UNC5D: variants seen among roughly 807,000 people sequenced by gnomAD.
UNC5D encodes the protein unc-5 netrin receptor D.
Under a neutral mutation model 105.4 loss-of-function variants are expected in UNC5D, and 39 were observed. That is an observed-to-expected ratio of 0.37 (90% CI 0.29 to 0.48). The LOEUF (loss-of-function observed/expected upper bound fraction) is 0.48, where lower values mean the gene tolerates loss of function less well. UNC5D is among the 20% of genes least tolerant of loss of function. The pLI is 0.98. For missense variants in UNC5D, 991 were observed against 1,202.4 expected (o/e 0.82, Z 2.60); for synonymous variants, 452 against 450.4 (o/e 1.00, Z -0.04).
At chr8:35,599,616 T>C (rs1235818332) in intron 4 of UNC5D, among the ~76,000 whole-genome samples, 2 of 152,164 alleles carry the variant, frequency 1.3e-5, no homozygotes, top group Admixed American at 1.3e-4. Context: ...ATCCCAGGGT[T>C]AGCCCTACAC....
intron 11 of UNC5D, among the ~76,000 whole-genome samples, chr8:35,746,938 T>G (rs1430013683): frequency 6.6e-6 from 1 of 152,148 alleles, no homozygotes; most frequent in Non-Finnish European, 1.5e-5. Flanking sequence ...CCCCAAACCT[T>G]GAGTATGTTA....
intron 1 of UNC5D, among the ~76,000 whole-genome samples, chr8:35,476,661 C>T (rs915516564): frequency 8.5e-5 from 13 of 152,096 alleles, no homozygotes; most frequent in African/African-American, 3.1e-4. Context: ...TCCTTTATCT[C>T]GTACCCTGCC....
intron 1 of UNC5D, among the ~76,000 whole-genome samples, chr8:35,386,250 C>T (rs528678668): frequency 2.6e-5 from 4 of 152,088 alleles, no homozygotes; most frequent in Non-Finnish European, 4.4e-5. Context: ...GAGCATCATT[C>T]GCTCCAATTT....
intron 1 of UNC5D, among the ~76,000 whole-genome samples, chr8:35,450,404 T>G: frequency 6.6e-6 from 1 of 152,268 alleles, no homozygotes; most frequent in East Asian, 1.9e-4. Context: ...CCCAGAACCT[T>G]TACTTTTTAT....
At chr8:35,442,743 C>T (rs1807490275) in intron 1 of UNC5D, among the ~76,000 whole-genome samples, 1 of 151,954 alleles carries the variant, frequency 6.6e-6, no homozygotes, top group African/African-American at 2.4e-5. Context: ...AGAGATAAGA[C>T]AGCTGAAGTG....
intron 7 of UNC5D, among the ~76,000 whole-genome samples, chr8:35,698,848 T>G (rs1826978513): frequency 6.6e-6 from 1 of 152,174 alleles, no homozygotes; most frequent in South Asian, 2.1e-4. Context: ...ATGATTATCT[T>G]AAGCTTGAAT....
At position 35,683,684 on chromosome 8, in the gene UNC5D, C is replaced by T. The variant is rs764908615; in HGVS notation, c.708C>T (p.Ile236=). ...ATTACACCTGCATGGCAGCCAACATCGTGGCTAAGAGGAGAAGCCTGTCGG... is the reference window on the plus strand; with the variant it reads ...ATTACACCTGCATGGCAGCCAACATTGTGGCTAAGAGGAGAAGCCTGTCGG... The part of the protein sequence containing the change: ...SGNYTCMAAN[I]VAKRRSLSAT... Residue 236 remains isoleucine, a synonymous_variant, in exon 5 of 17, where the codon ATC becomes ATT. Transcript: ENST00000404895. 1.9e-6 allele frequency: 3 copies of T among 1,560,116 alleles called. No individual in the cohort carries two copies. Among genetic ancestry groups the T allele is most frequent in the African/African-American group, 1.4e-5 (1 of 71,280 alleles).
intron 1 of UNC5D, chr8:35,525,258 T>C: frequency 6.2e-7 from 1 of 1,612,180 alleles, no homozygotes; most frequent in South Asian, 1.1e-5. Context: ...GTCTCTAAAA[T>C]GTTTTTCAAC....
At chr8:35,370,624 G>GA (rs957291954) in intron 1 of UNC5D, among the ~76,000 whole-genome samples, 14 of 151,506 alleles carry the variant, frequency 9.2e-5, no homozygotes, top group African/African-American at 3.4e-4. Flanking sequence ...GTTAGCTATA[G>GA]AAAAAAAAGG....
chr8:35,274,776 T>G (rs1805654867), intron 1 of UNC5D, among the ~76,000 whole-genome samples: 2 of 152,200 alleles, frequency 1.3e-5, no homozygotes, highest in Non-Finnish European at 2.9e-5. Flanking sequence ...AACATTTTTG[T>G]TGGCAAAATG....
At chr8:35,377,713 T>G (rs774423329) in intron 1 of UNC5D, among the ~76,000 whole-genome samples, 11 of 152,180 alleles carry the variant, frequency 7.2e-5, no homozygotes, top group Non-Finnish European at 1.5e-4. Context: ...AAGACATTCG[T>G]ATCTGTGGGT....
chr8:35,477,321 A>G (rs374298568), intron 1 of UNC5D, among the ~76,000 whole-genome samples: 4 of 151,658 alleles, frequency 2.6e-5, no homozygotes, highest in African/African-American at 9.7e-5. Flanking sequence ...GCTGAGACTC[A>G]TAGTATTTTA....
At chr8:35,540,374 G>C (rs1415677777) in intron 1 of UNC5D, among the ~76,000 whole-genome samples, 1 of 151,462 alleles carries the variant, frequency 6.6e-6, no homozygotes, top group Admixed American at 6.6e-5. Context: ...AATAAAGTTA[G>C]AGACCATGAA....
Position 35,570,682 on chromosome 8 carries a change from G to A in UNC5D, c.466+2441G>A, listed in dbSNP as rs192616204. 1.4e-4 allele frequency among the ~76,000 whole-genome samples: 21 copies of A among 152,080 alleles called. No individual in the cohort carries two copies. The East Asian group carries it at 2.9e-3, about 21-fold the overall frequency. On this transcript the variant is annotated intron_variant, in intron 3 of 16. Transcript: ENST00000404895. ...AATAGAAAACACTTAGCCCGGGCAC[G>A]GTGGCTCACTCCTGTAATCCCAGCA...
chr8:35,327,450 T>C (rs2128891328), intron 1 of UNC5D, among the ~76,000 whole-genome samples: 1 of 152,304 alleles, frequency 6.6e-6, no homozygotes, highest in South Asian at 2.1e-4. Context: ...TTTAAGAGAA[T>C]TCTCAACTTA....
At chr8:35,240,812 A>G (rs1200605570) in intron 1 of UNC5D, among the ~76,000 whole-genome samples, 2 of 152,242 alleles carry the variant, frequency 1.3e-5, no homozygotes, top group Non-Finnish European at 2.9e-5. Context: ...GTCTATAAAT[A>G]TGTTCAGATA....
At chr8:35,679,136 G>A (rs1315048824) in intron 4 of UNC5D, among the ~76,000 whole-genome samples, 1 of 152,116 alleles carries the variant, frequency 6.6e-6, no homozygotes, top group African/African-American at 2.4e-5. Context: ...TGTAGTCCCA[G>A]CTAGTCAGGA....
At chr8:35,368,845 A>C (rs187775834) in intron 1 of UNC5D, among the ~76,000 whole-genome samples, 208 of 152,196 alleles carry the variant, frequency 1.4e-3, no homozygotes, top group African/African-American at 4.9e-3. Flanking sequence ...AGGAAAGGCC[A>C]TGTAAGGACA....
chr8:35,282,710 C>CAAAAAAAA (rs200599461), intron 1 of UNC5D, among the ~76,000 whole-genome samples: 2 of 135,934 alleles, frequency 1.5e-5, no homozygotes, highest in Non-Finnish European at 1.6e-5. Flanking sequence ...TATTAAAAGA[C>CAAAAAAAA]AAAAAAAAAA....
Sources: gnomAD v4.1 joint callset for allele counts (sites outside exome capture counted in the v4.1 genomes callset) on GRCh38, gnomAD v4.1.1 for gene constraint, MANE v1.5 for transcripts, NCBI Gene and HGNC (gene_info 2026-07-23, HGNC 2026-07-21) for gene names.